TECRL: variants seen among roughly 807,000 people sequenced by gnomAD.
TECRL encodes trans-2,3-enoyl-CoA reductase-like.
A neutral mutation model predicts 52.8 loss-of-function variants in TECRL; 63 were observed. The ratio of observed to expected loss-of-function variants is 1.19; its 90% confidence interval spans 0.97 to 1.47. The LOEUF is 1.47. TECRL is among the 40% of genes most tolerant of loss of function. TECRL has a pLI of 0.00. For synonymous variants in TECRL, 164 were observed against 141.9 expected, an observed-to-expected ratio of 1.16 and a Z score of -1.10; for missense variants, 482 against 429.6, an observed-to-expected ratio of 1.12 and a Z score of -1.08.
At chr4:64,344,638 T>A (rs1719821795) in intron 2 of TECRL, among the ~76,000 whole-genome samples, 1 of 152,184 alleles carries the variant, frequency 6.6e-6, no homozygotes, top group African/African-American at 2.4e-5. Flanking sequence ...TAAGGTGTAA[T>A]TTAAAACAAA....
intron 2 of TECRL, among the ~76,000 whole-genome samples, chr4:64,334,477 GA>G (rs1229699798): frequency 6.6e-6 from 1 of 152,076 alleles, no homozygotes; most frequent in Non-Finnish European, 1.5e-5. Flanking sequence ...TTATCTATCT[GA>G]AAAATGAGAA....
At chr4:64,356,315 G>A (rs1014748017) in intron 2 of TECRL, among the ~76,000 whole-genome samples, 4 of 152,056 alleles carry the variant, frequency 2.6e-5, no homozygotes, top group African/African-American at 7.2e-5. Flanking sequence ...CTGCTGAGGA[G>A]GATTAGTAAA....
Position 64,350,811 on chromosome 4 carries a change from C to T in TECRL, c.287-22255G>A, listed in dbSNP as rs1720339351. Among the ~76,000 whole-genome samples, 3 of 151,822 alleles carry T rather than the reference C, an allele frequency of 2.0e-5. No individual in the cohort carries two copies. The South Asian group carries it at 6.2e-4, about 31-fold the overall frequency. ...CCACAATCACATGAGCCACCCTCCACATTCTTTTGGTTCTGTTTCTCTAGA... is the reference window on the plus strand; with the variant it reads ...CCACAATCACATGAGCCACCCTCCATATTCTTTTGGTTCTGTTTCTCTAGA... On this transcript the variant is annotated intron_variant, in intron 2 of 11. Coordinates refer to ENST00000381210, the MANE Select transcript of TECRL (RefSeq NM_001010874.5).
chr4:64,303,637 G>A (rs1724148094), intron 7 of TECRL, among the ~76,000 whole-genome samples: 1 of 151,776 alleles, frequency 6.6e-6, no homozygotes, highest in South Asian at 2.1e-4. Flanking sequence ...AGGATTCAAT[G>A]AGATAAAATG....
intron 1 of TECRL, among the ~76,000 whole-genome samples, chr4:64,399,610 C>A (rs192731851): frequency 1.3e-5 from 2 of 152,274 alleles, no homozygotes; most frequent in Non-Finnish European, 2.9e-5. Flanking sequence ...GCCCTGCTGC[C>A]TTGCCTAGAC....
intron 1 of TECRL, among the ~76,000 whole-genome samples, chr4:64,393,146 C>A (rs1022370061): frequency 1.3e-5 from 2 of 151,894 alleles, no homozygotes; most frequent in Non-Finnish European, 2.9e-5. Flanking sequence ...TTACCAAAAT[C>A]TGTGATATAA....
chr4:64,356,223 T>C (rs967316380), intron 2 of TECRL, among the ~76,000 whole-genome samples: 2 of 152,138 alleles, frequency 1.3e-5, no homozygotes, highest in Non-Finnish European at 2.9e-5. Flanking sequence ...CCAAGGTTTC[T>C]CCCCATGTGA....
chr4:64,391,996 A>G (rs1723579715), intron 1 of TECRL, among the ~76,000 whole-genome samples: 1 of 151,868 alleles, frequency 6.6e-6, no homozygotes, highest in African/African-American at 2.4e-5. Flanking sequence ...GTGTTGCAAA[A>G]CCCAGTGGTT....
intron 9 of TECRL, among the ~76,000 whole-genome samples, chr4:64,288,930 T>C (rs1414198199): frequency 2.0e-5 from 3 of 152,164 alleles, no homozygotes; most frequent in African/African-American, 7.2e-5. Context: ...TTTTGCCTCA[T>C]CCACCATATT....
chr4:64,358,765 G>A (rs116314699), intron 2 of TECRL, among the ~76,000 whole-genome samples: 1,797 of 151,712 alleles, frequency 0.012, 35 homozygotes, highest in African/African-American at 0.04. Flanking sequence ...AGGCATTGAC[G>A]CAATATTATT....
At chr4:64,334,055 AGAGAGAATGTCCTGTGT>A (rs1718867609) in intron 2 of TECRL, among the ~76,000 whole-genome samples, 1 of 123,036 alleles carries the variant, frequency 8.1e-6, no homozygotes, top group Non-Finnish European at 1.7e-5. Context: ...AAAAAGAAAA[AGAGAGAATGTCCTGTGT>A]AAATTGCATT....
At chr4:64,292,097 T>C (rs1723423460) in intron 8 of TECRL, among the ~76,000 whole-genome samples, 1 of 151,928 alleles carries the variant, frequency 6.6e-6, no homozygotes, top group Non-Finnish European at 1.5e-5. Flanking sequence ...TCCTTTTAGG[T>C]AAAGGCTGAG....
intron 10 of TECRL, 53 bp downstream of exon 10, chr4:64,281,421 C>T (rs1722821709): frequency 9.7e-7 from 1 of 1,033,670 alleles, no homozygotes; most frequent in Non-Finnish European, 1.5e-6. Flanking sequence ...TAAGCACATG[C>T]ATTTAGTATA....
At chr4:64,281,967 T>G (rs1722850634) in intron 9 of TECRL, among the ~76,000 whole-genome samples, 1 of 151,938 alleles carries the variant, frequency 6.6e-6, no homozygotes, top group African/African-American at 2.4e-5. Context: ...TACATTTGTT[T>G]GAGATTATTA....
chr4:64,336,406 T>G (rs1335077842), intron 2 of TECRL, among the ~76,000 whole-genome samples: 2 of 152,130 alleles, frequency 1.3e-5, no homozygotes, highest in African/African-American at 2.4e-5. Context: ...TCTCTCTTCT[T>G]TATTAGTCTT....
downstream of TECRL, chr4:64,276,397 A>T (rs1356430871): frequency 1.3e-5 from 2 of 151,922 alleles, no homozygotes; most frequent in Non-Finnish European, 2.9e-5. Flanking sequence ...ATATTACTTC[A>T]ATAAGTAACT....
intron 1 of TECRL, among the ~76,000 whole-genome samples, chr4:64,377,145 A>C (rs1722453587): frequency 6.6e-6 from 1 of 152,072 alleles, no homozygotes; most frequent in Non-Finnish European, 1.5e-5. Flanking sequence ...AACATTTCTA[A>C]AAATTTTCAT....
At chr4:64,340,112 C>G (rs1046472942) in intron 2 of TECRL, among the ~76,000 whole-genome samples, 1 of 152,192 alleles carries the variant, frequency 6.6e-6, no homozygotes, top group African/African-American at 2.4e-5. Flanking sequence ...CTGTTGCCAT[C>G]ATGCCAGCTG....
Position 64,328,567 on chromosome 4 carries a change from A to C in TECRL, c.287-11T>G. On this transcript the variant is annotated splice_polypyrimidine_tract_variant and intron_variant, in intron 2 of 11. Coordinates refer to ENST00000381210, the MANE Select transcript of TECRL (RefSeq NM_001010874.5). ...GGTACCACTTTGGACCTATTCAATG[A>C]AAAATAACATTTAATTGTCAGAAAA... 6.2e-7 allele frequency: 1 copy of C among 1,607,764 alleles called. No individual in the cohort carries two copies. The highest frequency in any genetic ancestry group is 8.5e-7 in the Non-Finnish European group (1 of 1,176,106).
Sources: allele counts gnomAD v4.1 joint callset (sites outside exome capture counted in the v4.1 genomes callset), GRCh38; gene constraint gnomAD v4.1.1; transcripts MANE v1.5; gene names NCBI Gene and HGNC (gene_info 2026-07-23, HGNC 2026-07-21).